Variants in CACNG4 observed in about 807,000 individuals in gnomAD.
The protein encoded by CACNG4 is voltage-dependent calcium channel gamma-4 subunit.
Under a neutral mutation model 22.9 loss-of-function variants are expected in CACNG4, and 8 were observed. The observed-to-expected ratio is 0.35, with a 90% CI of 0.21 to 0.63. The LOEUF (loss-of-function observed/expected upper bound fraction) is 0.63. Ranked by LOEUF, CACNG4 falls within the 30% of genes least tolerant of loss-of-function variation. The pLI is 0.72. For synonymous variants in CACNG4, 188 were observed against 191.9 expected, an observed-to-expected ratio of 0.98 and a Z score of 0.17; for missense variants, 357 against 455.4, an observed-to-expected ratio of 0.78 and a Z score of 1.97.
chr17:66,986,263 C>T (rs1314980307), intron 1 of CACNG4, among the ~76,000 whole-genome samples: 1 of 152,232 alleles, frequency 6.6e-6, no homozygotes, highest in African/African-American at 2.4e-5. Context: ...CCTGGCCCAG[C>T]CGTGTGGGTT....
At chr17:66,991,613 C>T (rs931029740) in intron 1 of CACNG4, among the ~76,000 whole-genome samples, 2 of 152,128 alleles carry the variant, frequency 1.3e-5, no homozygotes, top group Non-Finnish European at 2.9e-5. Flanking sequence ...TACGGGCCTG[C>T]GAGGATGTGT....
At chr17:66,992,164 G>A (rs867022564) in intron 1 of CACNG4, among the ~76,000 whole-genome samples, 228 of 152,068 alleles carry the variant, frequency 1.5e-3, no homozygotes, top group Non-Finnish European at 2.3e-3. Flanking sequence ...AGCTCCTGGG[G>A]GGGGGGGGCT....
intron 1 of CACNG4, among the ~76,000 whole-genome samples, chr17:66,995,630 T>G (rs1027019492): frequency 5.9e-5 from 9 of 152,056 alleles, no homozygotes; most frequent in Admixed American, 5.2e-4. Flanking sequence ...GGCAGGCAGA[T>G]CATGAGGTCA....
intron 1 of CACNG4, among the ~76,000 whole-genome samples, chr17:67,010,809 C>A (rs2035463844): frequency 6.6e-6 from 1 of 152,088 alleles, no homozygotes; most frequent in South Asian, 2.1e-4. Flanking sequence ...TGGGAGAGGG[C>A]CAGGTCCTGA....
At position 67,032,432 on chromosome 17, in the gene CACNG4, C is replaced by G. The variant is rs2035613646; in HGVS notation, c.*1428C>G. ...ATTTTTTGAGACTCCTTGATCCACCCTGGAACAGTCGCCTGTAGTCCTGGT... is the reference window on the plus strand; with the variant it reads ...ATTTTTTGAGACTCCTTGATCCACCGTGGAACAGTCGCCTGTAGTCCTGGT... On this transcript the variant is annotated 3_prime_UTR_variant, in exon 4 of 4. Transcript: ENST00000262138. 5.1e-6 allele frequency: 1 copy of G among 195,578 alleles called. No homozygotes were observed. Among genetic ancestry groups the G allele is most frequent in the Non-Finnish European group, 1.1e-5 (1 of 94,240 alleles). 12.1% of individuals were successfully genotyped at this position (195,578 alleles called of 1,614,324 possible). A position where few individuals can be genotyped will look rare whatever the true frequency, so the allele number is the denominator to read the frequency against.
At chr17:66,972,989 T>C (rs1314037961) in intron 1 of CACNG4, among the ~76,000 whole-genome samples, 2 of 151,470 alleles carry the variant, frequency 1.3e-5, no homozygotes, top group Non-Finnish European at 1.5e-5. Context: ...CTCGCGCCTA[T>C]AATCTTAGCA....
At chr17:66,992,160 TGGG>T (rs10605777) in intron 1 of CACNG4, among the ~76,000 whole-genome samples, 3,943 of 139,800 alleles carry the variant, frequency 0.028, 171 homozygotes, top group African/African-American at 0.093. Context: ...GCCAAGCTCC[TGGG>T]GGGGGGGGGC....
At chr17:66,990,367 C>G (rs557108646) in intron 1 of CACNG4, among the ~76,000 whole-genome samples, 1 of 152,192 alleles carries the variant, frequency 6.6e-6, no homozygotes, top group African/African-American at 2.4e-5. Flanking sequence ...TTCTTCCCCT[C>G]CAATCTGCCA....
At chr17:66,983,792 A>G (rs1165228804) in intron 1 of CACNG4, among the ~76,000 whole-genome samples, 1 of 152,196 alleles carries the variant, frequency 6.6e-6, no homozygotes, top group African/African-American at 2.4e-5. Flanking sequence ...TTTCACACCC[A>G]GGTTCTGGTT....
intron 1 of CACNG4, among the ~76,000 whole-genome samples, chr17:66,979,513 C>T (rs1406774598): frequency 2.6e-5 from 4 of 152,262 alleles, no homozygotes; most frequent in Admixed American, 6.5e-5. Flanking sequence ...CCAGTGGCTG[C>T]TTTATCAAGC....
intron 1 of CACNG4, among the ~76,000 whole-genome samples, chr17:66,975,246 G>A (rs1196110327): frequency 6.6e-6 from 1 of 152,126 alleles, no homozygotes; most frequent in Non-Finnish European, 1.5e-5. Context: ...CCTGCCACTA[G>A]CATCTGTCAC....
intron 1 of CACNG4, among the ~76,000 whole-genome samples, chr17:66,993,152 C>G (rs1464363352): frequency 6.6e-6 from 1 of 152,276 alleles, no homozygotes; most frequent in Admixed American, 6.5e-5. Context: ...TCCAAGGCTG[C>G]CTGACGGTGG....
chr17:66,972,549 G>T (rs535733806), intron 1 of CACNG4, among the ~76,000 whole-genome samples: 1 of 152,222 alleles, frequency 6.6e-6, no homozygotes, highest in African/African-American at 2.4e-5. Context: ...GGGAAGCATC[G>T]TTTAGGGTTG....
At chr17:66,999,586 A>T (rs1055157809) in intron 1 of CACNG4, among the ~76,000 whole-genome samples, 2 of 152,126 alleles carry the variant, frequency 1.3e-5, no homozygotes, top group Non-Finnish European at 2.9e-5. Context: ...CGAAGAGGGA[A>T]CTTCCAAGCA....
intron 1 of CACNG4, among the ~76,000 whole-genome samples, chr17:66,983,488 C>T (rs1367667486): frequency 1.3e-5 from 2 of 152,148 alleles, no homozygotes; most frequent in Non-Finnish European, 2.9e-5. Context: ...CAGGTGTGTC[C>T]CCGTGGTTGC....
chr17:67,021,384 C>T (rs182761816), intron 2 of CACNG4, among the ~76,000 whole-genome samples: 3 of 152,330 alleles, frequency 2.0e-5, no homozygotes, highest in Admixed American at 1.3e-4. Context: ...AGCTCATCTG[C>T]GTGGGCGTGG....
chr17:67,001,991 G>A (rs1214978202), intron 1 of CACNG4, among the ~76,000 whole-genome samples: 3 of 152,214 alleles, frequency 2.0e-5, no homozygotes, highest in Admixed American at 6.5e-5. Flanking sequence ...AAGCACTAGG[G>A]TGCTGGCAAG....
intron 1 of CACNG4, among the ~76,000 whole-genome samples, chr17:67,017,827 T>G (rs1451391308): frequency 2.0e-5 from 3 of 152,104 alleles, no homozygotes; most frequent in Admixed American, 6.5e-5. Flanking sequence ...GTTTTTTATT[T>G]TTTTCAAGAT....
At position 66,984,185 on chromosome 17, in the gene CACNG4, T is replaced by C. The variant is rs8065293; in HGVS notation, c.220+19054T>C. The stretch of plus-strand genomic sequence containing the variant: ...CTAGAGGCCAGGAGTTCAAGACCAG[T>C]TTGGCAACATAATGAGACCCCGTTT... On this transcript the variant is annotated intron_variant, in intron 1 of 3. Transcript: ENST00000262138. This position sits in a 1 kb window ranked among gnomAD's most constrained non-coding sequence, Gnocchi z 4.0. Among the ~76,000 whole-genome samples, 13,887 of 151,638 alleles carry C rather than the reference T, an allele frequency of 0.092. 1,106 individuals are homozygous for C. Among genetic ancestry groups the C allele is most frequent in the African/African-American group, 0.22 (9,126 of 41,318 alleles).
Sources: allele counts gnomAD v4.1 joint callset (sites outside exome capture counted in the v4.1 genomes callset), GRCh38; gene constraint gnomAD v4.1.1; non-coding constraint Gnocchi (gnomAD v3.1); transcripts MANE v1.5; gene names NCBI Gene and HGNC (gene_info 2026-07-23, HGNC 2026-07-21).